Variants in AGGF1 observed in about 807,000 individuals in gnomAD.
AGGF1 encodes the protein angiogenic factor with G patch and FHA domains 1.
Under a neutral mutation model 86.5 loss-of-function variants are expected in AGGF1, and 56 were observed. The ratio of observed to expected loss-of-function variants is 0.65; its 90% CI spans 0.52 to 0.81. The LOEUF is 0.81. Among genes scored for constraint, AGGF1 ranks in the 30% least tolerant of loss-of-function variants. AGGF1 has a pLI of 0.00. For synonymous variants in AGGF1, 313 were observed against 297.1 expected, an observed-to-expected ratio of 1.05 and a Z score of -0.55; for missense variants, 816 against 850.9, an observed-to-expected ratio of 0.96 and a Z score of 0.51.
At chr5:77,043,529 G>A (rs1352807213) in intron 5 of AGGF1, among the ~76,000 whole-genome samples, 1 of 143,056 alleles carries the variant, frequency 7.0e-6, no homozygotes, top group South Asian at 2.2e-4. Context: ...CTGGCCGGGC[G>A]GGGGGCTGAC....
At chr5:77,042,840 G>T (rs1747141942) in intron 5 of AGGF1, among the ~76,000 whole-genome samples, 1 of 64,644 alleles carries the variant, frequency 1.5e-5, no homozygotes, top group South Asian at 4.5e-4. Flanking sequence ...CCCGGGCGGG[G>T]CGGCTGGCCG....
intron 5 of AGGF1, among the ~76,000 whole-genome samples, chr5:77,043,544 C>A (rs1580128382): frequency 6.8e-6 from 1 of 146,426 alleles, no homozygotes; most frequent in African/African-American, 2.5e-5. Flanking sequence ...GCTGACCCCC[C>A]CACCTCCCTC....
chr5:77,058,472 TTAGG>T (rs1386175978), intron 11 of AGGF1, among the ~76,000 whole-genome samples: 8 of 152,258 alleles, frequency 5.3e-5, no homozygotes, highest in Non-Finnish European at 1.0e-4. Flanking sequence ...GCTGTTTTAC[TTAGG>T]TAGAGAAATC....
chr5:77,052,620 C>G (rs567495876), intron 8 of AGGF1, 86 bp from the exon 9 acceptor site: 1 of 897,606 alleles, frequency 1.1e-6, no homozygotes, highest in Admixed American at 2.4e-5. Context: ...ATCAAAGGCT[C>G]AAGTTAACAT....
Position 77,055,504 on chromosome 5 carries a change from T to C in AGGF1, c.1634-10T>C. 1 of 1,580,786 alleles carries C rather than the reference T, an allele frequency of 6.3e-7. No homozygotes were observed. Among genetic ancestry groups the C allele is most frequent in the Non-Finnish European group, 8.7e-7 (1 of 1,152,040 alleles). On this transcript the variant is annotated splice_polypyrimidine_tract_variant and intron_variant, in intron 10 of 13. Transcript: ENST00000312916. Reference sequence around the variant, plus strand: ...GTGGCTTTTTTTTAACCAAACTTTTTTTCTTTCAGTTGGTCCAACACTAAG... The same window carrying C: ...GTGGCTTTTTTTTAACCAAACTTTTCTTCTTTCAGTTGGTCCAACACTAAG...
Position 77,048,145 on chromosome 5 carries a change from C to T in AGGF1, c.1202-16C>T, listed in dbSNP as rs778351247. ...TAGTAGTTAAATTAATATTTACTCACTTCTTTCCTTGGCAGATGAAGACAA... is the reference window on the plus strand; with the variant it reads ...TAGTAGTTAAATTAATATTTACTCATTTCTTTCCTTGGCAGATGAAGACAA... On this transcript the variant is annotated splice_polypyrimidine_tract_variant and intron_variant, in intron 6 of 13. Coordinates refer to ENST00000312916, the MANE Select transcript of AGGF1 (RefSeq NM_018046.5). The T allele has an allele frequency of 2.0e-6, 3 of 1,491,864 alleles. No individual in the cohort carries two copies. The highest frequency in any genetic ancestry group is 1.4e-5 in the African/African-American group (1 of 72,520). The allele number at this position is 1,491,864 out of a possible 1,614,324, so 92.4% of individuals were successfully genotyped here.
intron 3 of AGGF1, 85 bp from the exon 4 acceptor site, chr5:77,036,471 A>ATT: frequency 1.5e-6 from 2 of 1,365,916 alleles, no homozygotes; most frequent in Non-Finnish European, 2.1e-6. Context: ...TTACTTAAAC[A>ATT]TAGTCTCAGG....
chr5:77,031,102 T>A, intron 1 of AGGF1, 126 bp downstream of exon 1: 2 of 1,026,006 alleles, frequency 1.9e-6, no homozygotes, highest in Admixed American at 2.1e-5. Context: ...AGTAAATAAG[T>A]AGAAGCTCAG....
intron 5 of AGGF1, among the ~76,000 whole-genome samples, chr5:77,043,950 G>A (rs2150730645): frequency 7.2e-6 from 1 of 137,956 alleles, no homozygotes; most frequent in East Asian, 2.2e-4. Context: ...TGGGGCGGCG[G>A]GGCAGAGGCG....
chr5:77,030,879 G>A lies in AGGF1; in HGVS notation c.113G>A (p.Ser38Asn), dbSNP rs757459868. 4 of 1,613,414 alleles carry A rather than the reference G, an allele frequency of 2.5e-6. No homozygotes were observed. Among genetic ancestry groups the A allele is most frequent in the Non-Finnish European group, 2.5e-6 (3 of 1,180,020 alleles). ...KVEKLERELR[S>N]CKRQVREIEK... ...GAGAAGTTGGAACGTGAACTGCGGA[G>A]CTGCAAGCGGCAGGTGCGGGAGATC... Residue 38 changes from serine (S) to asparagine (N), a missense_variant, in exon 1 of 14, where the codon AGC becomes AAC. Ser to Asn is a conservative substitution (Grantham distance 46). Coordinates refer to ENST00000312916, the MANE Select transcript of AGGF1 (RefSeq NM_018046.5).
At chr5:77,054,252 AT>A in intron 10 of AGGF1, 122 bp downstream of exon 10, 1 of 1,178,698 alleles carries the variant, frequency 8.5e-7, no homozygotes, top group Non-Finnish European at 1.2e-6. Context: ...ATTGAGAGAT[AT>A]TTTATACAAA....
chr5:77,030,524 T>C lies in AGGF1; in HGVS notation c.-243T>C, dbSNP rs1201917075. On this transcript the variant is annotated 5_prime_UTR_variant, in exon 1 of 14. Coordinates refer to ENST00000312916, the MANE Select transcript of AGGF1 (RefSeq NM_018046.5). ...CTGGAGAAGGTAGTTTCCAGGAAAGTTTTCCGGTTTGCAGGCCGCGCACAT... is the reference window on the plus strand; with the variant it reads ...CTGGAGAAGGTAGTTTCCAGGAAAGCTTTCCGGTTTGCAGGCCGCGCACAT... 1.5e-6 allele frequency: 1 copy of C among 682,812 alleles called. No homozygotes were observed. The highest frequency in any genetic ancestry group is 2.0e-5 in the Admixed American group (1 of 49,222). The allele number at this position is 682,812 out of a possible 1,614,324, so 42.3% of individuals were successfully genotyped here. A position where few individuals can be genotyped will look rare whatever the true frequency, so the allele number is the denominator to read the frequency against.
At position 77,046,052 on chromosome 5, in the gene AGGF1, T is replaced by C. The variant is rs72765110; in HGVS notation, c.871-295T>C. ...ACTAGGAATGTTAAGACATTGAGAA[T>C]AGAGAGACAGATTTGGATATATTTT... On this transcript the variant is annotated intron_variant, in intron 5 of 13. Coordinates refer to ENST00000312916, the MANE Select transcript of AGGF1 (RefSeq NM_018046.5). Among the ~76,000 whole-genome samples, 299 of 152,340 alleles carry C rather than the reference T, an allele frequency of 2.0e-3. 1 individual carries two copies. Among genetic ancestry groups the C allele is most frequent in the Non-Finnish European group, 3.8e-3 (259 of 68,030 alleles).
chr5:77,063,009 T>C, intron 13 of AGGF1, 43 bp from the exon 14 acceptor site: 4 of 1,606,824 alleles, frequency 2.5e-6, no homozygotes, highest in Non-Finnish European at 3.4e-6. Flanking sequence ...TTTCAATGTG[T>C]TTAGACTCTA....
chr5:77,051,878 C>T (rs983670265), intron 8 of AGGF1, among the ~76,000 whole-genome samples: 3 of 152,012 alleles, frequency 2.0e-5, no homozygotes, highest in Non-Finnish European at 2.9e-5. Flanking sequence ...AATGAATGAA[C>T]GACAACTCTA....
Position 77,052,747 on chromosome 5 carries a change from T to C in AGGF1, c.1407T>C (p.Tyr469=), listed in dbSNP as rs948302676. The C allele has an allele frequency of 3.7e-6, 6 of 1,613,766 alleles. No individual in the cohort carries two copies. The highest frequency in any genetic ancestry group is 2.7e-5 in the African/African-American group (2 of 74,938). ...ATTTTGACCATGACTTACAAAGTTA[T>C]GTCCTTGTGGATCAAGGCAGTCAAA... The part of the protein sequence containing the change: ...EIYFDHDLQS[Y]VLVDQGSQNG... Residue 469 remains tyrosine, a synonymous_variant, in exon 9 of 14, where the codon TAT becomes TAC. Coordinates refer to ENST00000312916, the MANE Select transcript of AGGF1 (RefSeq NM_018046.5).
chr5:77,039,825 C>T, intron 5 of AGGF1, 106 bp downstream of exon 5: 4 of 980,894 alleles, frequency 4.1e-6, no homozygotes, highest in Admixed American at 4.9e-5. Flanking sequence ...GCATTTCAAA[C>T]ATACCCATTA....
chr5:77,042,236 C>T lies in AGGF1; in HGVS notation c.870+2517C>T, dbSNP rs1176739065. Among the ~76,000 whole-genome samples the T allele has an allele frequency of 1.1e-4, 17 of 151,346 alleles. No individual in the cohort carries two copies. The Middle Eastern group carries it at 0.017, about 153-fold the overall frequency. On this transcript the variant is annotated intron_variant, in intron 5 of 13. Coordinates refer to ENST00000312916, the MANE Select transcript of AGGF1 (RefSeq NM_018046.5). ...TTTCTACACAGACACGGCAACCATC[C>T]GATTTCTCAATCTTTTCCCCACCTT...
At chr5:77,044,265 G>A (rs539368643) in intron 5 of AGGF1, among the ~76,000 whole-genome samples, 2 of 151,926 alleles carry the variant, frequency 1.3e-5, no homozygotes, top group Non-Finnish European at 1.5e-5. Context: ...CCGAGATCAC[G>A]CCACTGCACT....
Sources: allele counts gnomAD v4.1 joint callset (sites outside exome capture counted in the v4.1 genomes callset), GRCh38; gene constraint gnomAD v4.1.1; transcripts MANE v1.5; gene names NCBI Gene and HGNC (gene_info 2026-07-23, HGNC 2026-07-21).